Variants in TSC22D1 observed in about 807,000 individuals in gnomAD.
TSC22D1 encodes the protein TSC22 domain family protein 1.
Under a neutral mutation model 74.2 loss-of-function variants are expected in TSC22D1, and 9 were observed. That is an observed-to-expected ratio of 0.12 (90% CI 0.07 to 0.21). The LOEUF is 0.21. Ranked by LOEUF, TSC22D1 falls within the 10% of genes least tolerant of loss-of-function variation. The probability of loss-of-function intolerance (pLI) is 1.00; values close to 1 mark genes in which losing one functional copy is unlikely to be tolerated. For missense variants in TSC22D1, 1,427 were observed against 1,304.7 expected (o/e 1.09, Z -1.44); for synonymous variants, 586 against 492.5 (o/e 1.19, Z -2.51).
At chr13:44,521,490 G>C (rs1880313384) in intron 1 of TSC22D1, among the ~76,000 whole-genome samples, 1 of 151,582 alleles carries the variant, frequency 6.6e-6, no homozygotes, top group Non-Finnish European at 1.5e-5. Flanking sequence ...CCTCCACCCG[G>C]TCTTGATAGT....
At chr13:44,490,762 T>C (rs1395718688) in intron 1 of TSC22D1, among the ~76,000 whole-genome samples, 2 of 151,838 alleles carry the variant, frequency 1.3e-5, no homozygotes, top group African/African-American at 4.8e-5. Flanking sequence ...CCAGGCATGG[T>C]GGTGCATGCC....
Position 44,539,667 on chromosome 13 carries a change from T to C in TSC22D1, c.2912+33496A>G, listed in dbSNP as rs75113838. The C allele has an allele frequency of 5.2e-3, 6,026 of 1,162,000 alleles. 198 individuals are homozygous for C. In the African/African-American group the frequency reaches 0.079, roughly 15 times the overall value. The allele number at this position is 1,162,000 out of a possible 1,614,324, so 72.0% of individuals were successfully genotyped here. On this transcript the variant is annotated intron_variant, in intron 1 of 2. Transcript: ENST00000458659. ...CAAAACAGATTGCAGTCCCACCTGG[T>C]TCTTAAATGAACCCAAGGAGTTTAC...
chr13:44,564,455 G>A (rs548624026), intron 1 of TSC22D1, among the ~76,000 whole-genome samples: 1 of 152,184 alleles, frequency 6.6e-6, no homozygotes, highest in Admixed American at 6.5e-5. Flanking sequence ...CTCTCAAAAA[G>A]TGAGTTTAGC....
intron 1 of TSC22D1, 132 bp from the exon 2 acceptor site, chr13:44,436,227 T>TCA: frequency 9.0e-7 from 1 of 1,105,124 alleles, no homozygotes. Context: ...ATGTAATGTA[T>TCA]CACCCTCCAG....
Position 44,434,153 on chromosome 13 carries a change from C to T in TSC22D1, c.*473G>A. ...TCAAATTTGTACAGTGAACTCTGTT[C>T]CCCCTCATTTTAGTCTTTTTACCCT... is the stretch of plus-strand genomic sequence containing the variant. On this transcript the variant is annotated 3_prime_UTR_variant, in exon 3 of 3. Coordinates refer to ENST00000458659, the MANE Select transcript of TSC22D1 (RefSeq NM_183422.4). 4 of 1,484,740 alleles carry T rather than the reference C, an allele frequency of 2.7e-6. No individual in the cohort carries two copies. Among genetic ancestry groups the T allele is most frequent in the South Asian group, 1.3e-5 (1 of 75,050 alleles). The allele number at this position is 1,484,740 out of a possible 1,614,324, so 92.0% of individuals were successfully genotyped here.
rs376368576 is a variant in TSC22D1 at position 44,551,389 on chromosome 13, GGTGTGTGTGTGTGTGTGTGTGTGT to G, written c.2912+21750_2912+21773del. Reference sequence around the variant, plus strand: ...AAAAACCCAAAACCCCAATCAGATGGGTGTGTGTGTGTGTGTGTGTGTGTGTGTGTGTGTGTGTGTGTGTCTGAG... The same window carrying G: ...AAAAACCCAAAACCCCAATCAGATGGGTGTGTGTGTGTGTGTGTGTCTGAG... On this transcript the variant is annotated intron_variant, in intron 1 of 2. Transcript: ENST00000458659. 3.2e-5 allele frequency among the ~76,000 whole-genome samples: 4 copies of G among 125,252 alleles called. 1 individual carries two copies. Among genetic ancestry groups the G allele is most frequent in the African/African-American group, 1.2e-4 (4 of 32,030 alleles). 82.2% of individuals were successfully genotyped at this position (125,252 alleles called of 152,430 possible).
At chr13:44,569,176 T>C (rs765913489) in intron 1 of TSC22D1, among the ~76,000 whole-genome samples, 1 of 152,208 alleles carries the variant, frequency 6.6e-6, no homozygotes, top group Non-Finnish European at 1.5e-5. Context: ...GTAACTACTA[T>C]TGTCATCATT....
chr13:44,505,850 A>G (rs1028647082), intron 1 of TSC22D1, among the ~76,000 whole-genome samples: 3 of 152,232 alleles, frequency 2.0e-5, no homozygotes, highest in Non-Finnish European at 4.4e-5. Flanking sequence ...GGGCTTATGG[A>G]ACAGAAGAAA....
rs770305222 is a variant in TSC22D1, at chr13:44,575,042, T to G, written c.1033A>C (p.Ser345Arg). 14 of 1,614,146 alleles carry G rather than the reference T, an allele frequency of 8.7e-6. No homozygotes were observed. The South Asian group carries it at 1.5e-4, about 18-fold the overall frequency. The change falls in exon 1 of 3, where the codon AGT (serine) becomes CGT (arginine). Residue 345 changes from serine (S) to arginine (R), a missense_variant. Around this residue, in one of 3 missense-constraint regions of TSC22D1, gnomAD observed 1,343 missense variants for 1,191.5 expected, o/e 1.13. Transcript: ENST00000458659. ...NVNISTSNIP[S>R]AAGVSVGPGV... ...GGCCCAACACTCACACCAGCAGCAC[T>G]AGGAATATTGCTTGTACTTATATTA... is the stretch of plus-strand genomic sequence containing the variant.
chr13:44,526,810 A>G (rs969009392), intron 1 of TSC22D1, among the ~76,000 whole-genome samples: 2 of 152,318 alleles, frequency 1.3e-5, no homozygotes, highest in East Asian at 3.9e-4. Context: ...AACATTTATG[A>G]CAGACACCAA....
At chr13:44,485,915 T>C (rs949196889) in intron 1 of TSC22D1, among the ~76,000 whole-genome samples, 2 of 152,090 alleles carry the variant, frequency 1.3e-5, no homozygotes, top group African/African-American at 4.8e-5. Context: ...GCTTCTGTAT[T>C]TTTTCAAGGG....
rs1877194876 is a variant in TSC22D1, at chr13:44,465,105, A to C, written c.2913-29010T>G. Among the ~76,000 whole-genome samples the C allele has an allele frequency of 2.0e-5, 3 of 152,186 alleles. No homozygotes were observed. In the South Asian group the frequency reaches 6.2e-4, roughly 31 times the overall value. ...TTTTAACACATAATGCTGCAGAATG[A>C]GGTATTTAGGAACATATATATCGTG... On this transcript the variant is annotated intron_variant, in intron 1 of 2. Transcript: ENST00000458659.
At chr13:44,465,399 G>C (rs778859294) in intron 1 of TSC22D1, among the ~76,000 whole-genome samples, 12 of 152,212 alleles carry the variant, frequency 7.9e-5, no homozygotes, top group Non-Finnish European at 1.6e-4. Context: ...GCATGACAAT[G>C]ATGAGACTAA....
At chr13:44,435,020 G>A (rs1874427273) in intron 2 of TSC22D1, 137 bp from the exon 3 acceptor site, 1 of 725,430 alleles carries the variant, frequency 1.4e-6, no homozygotes, top group East Asian at 2.5e-5. Flanking sequence ...ATGACACTTG[G>A]GGAAATCTGA....
chr13:44,478,725 C>T (rs868343466), intron 1 of TSC22D1, among the ~76,000 whole-genome samples: 9 of 152,156 alleles, frequency 5.9e-5, no homozygotes, highest in Admixed American at 3.3e-4. Context: ...CCACACTCTA[C>T]CACGGTATCT....
At chr13:44,542,021 G>A (rs553495808) in intron 1 of TSC22D1, among the ~76,000 whole-genome samples, 1 of 152,006 alleles carries the variant, frequency 6.6e-6, no homozygotes, top group Non-Finnish European at 1.5e-5. Context: ...TATCAACCAT[G>A]AAAATTATCT....
At chr13:44,444,478 G>A (rs1318757193) in intron 1 of TSC22D1, among the ~76,000 whole-genome samples, 2 of 151,696 alleles carry the variant, frequency 1.3e-5, no homozygotes, top group Non-Finnish European at 2.9e-5. Context: ...GGTACAATAA[G>A]AATATGGAAG....
chr13:44,507,930 G>C (rs970797377), intron 1 of TSC22D1, among the ~76,000 whole-genome samples: 1 of 152,214 alleles, frequency 6.6e-6, no homozygotes, highest in Non-Finnish European at 1.5e-5. Context: ...ATCACAGGCA[G>C]CTTCCTAGAG....
intron 1 of TSC22D1, among the ~76,000 whole-genome samples, chr13:44,521,545 G>C (rs903612780): frequency 6.6e-6 from 1 of 152,084 alleles, no homozygotes. Flanking sequence ...AAATGAGTCA[G>C]TTTGGGGTCA....
Sources: allele counts gnomAD v4.1 joint callset (sites outside exome capture counted in the v4.1 genomes callset), GRCh38; gene constraint gnomAD v4.1.1; regional missense constraint gnomAD v4.1.1; transcripts MANE v1.5; gene names NCBI Gene and HGNC (gene_info 2026-07-23, HGNC 2026-07-21).